The following CLECL1 variants were observed in gnomAD, a reference collection of about 807,000 sequenced individuals.
The protein encoded by CLECL1 is C-type lectin-like domain family 1.
At chr12:9,717,462 T>A (rs942823737) in intron 2 of CLECL1, among the ~76,000 whole-genome samples, 4 of 152,238 alleles carry the variant, frequency 2.6e-5, no homozygotes, top group African/African-American at 9.6e-5. Context: ...ATTTTTGCTT[T>A]CTAATTGATA....
At chr12:9,730,288 TA>T (rs1189519479) in intron 1 of CLECL1, among the ~76,000 whole-genome samples, 1 of 152,156 alleles carries the variant, frequency 6.6e-6, no homozygotes, top group East Asian at 1.9e-4. Context: ...CAAAAGATAA[TA>T]AATAAACCAA....
At chr12:9,733,000 T>C (rs777393740) in exon 1 of CLECL1, 13 of 1,614,090 alleles carry the variant, frequency 8.1e-6, no homozygotes, top group Non-Finnish European at 1.1e-5. Flanking sequence ...CGAACAGTTT[T>C]GATGTCAGCG....
rs758421986 is a variant in CLECL1 at position 9,722,737 on chromosome 12, C to T, written n.339G>A. 4.3e-6 allele frequency: 7 copies of T among 1,613,830 alleles called. No individual in the cohort carries two copies. In the South Asian group the frequency reaches 7.7e-5, roughly 18 times the overall value. On this transcript the variant is annotated non_coding_transcript_exon_variant, in exon 4 of 4. Transcript: ENST00000621400. ...TCCAAGATTTCTTAGTTTCAGCAAT[C>T]CAGTAACATTTTCCCTTATGCACCT...
chr12:9,716,453 C>T (rs1038472974), exon 3 of CLECL1: 4 of 169,154 alleles, frequency 2.4e-5, no homozygotes, highest in Non-Finnish European at 2.5e-5. Context: ...AACACTAACT[C>T]GGACTCAAAC....
At chr12:9,716,337 C>T (rs1324044853) in exon 3 of CLECL1, 3 of 153,722 alleles carry the variant, frequency 2.0e-5, no homozygotes, top group East Asian at 1.9e-4. Context: ...ATTGTCTTCT[C>T]GCCAAACTTG....
chr12:9,730,331 G>GA (rs1335890335), intron 1 of CLECL1, among the ~76,000 whole-genome samples: 1 of 152,176 alleles, frequency 6.6e-6, no homozygotes, highest in Admixed American at 6.5e-5. Context: ...GCTTTAGGCT[G>GA]AAAGTTTAAA....
chr12:9,733,171 A>G (rs1413649370), upstream of CLECL1: 3 of 1,613,984 alleles, frequency 1.9e-6, no homozygotes, highest in Non-Finnish European at 2.5e-6. Context: ...GACTTCCTCC[A>G]TGAATAAATG....
chr12:9,724,061 C>T (rs1419536768), intron 3 of CLECL1, among the ~76,000 whole-genome samples: 2 of 151,522 alleles, frequency 1.3e-5, no homozygotes, highest in African/African-American at 4.8e-5. Context: ...GTGGTGTGTG[C>T]CTGTAACCCC....
intron 2 of CLECL1, among the ~76,000 whole-genome samples, chr12:9,728,305 T>A (rs1464141597): frequency 6.6e-6 from 1 of 151,860 alleles, no homozygotes; most frequent in Non-Finnish European, 1.5e-5. Context: ...TATTTAATAG[T>A]GCTTGTCATT....
intron 1 of CLECL1, among the ~76,000 whole-genome samples, chr12:9,731,430 C>T (rs766970885): frequency 6.6e-6 from 1 of 152,054 alleles, no homozygotes; most frequent in Non-Finnish European, 1.5e-5. Context: ...ATATGACAAC[C>T]TTTAGGAGAA....
chr12:9,733,716 GA>G (rs1289143055), upstream of CLECL1, among the ~76,000 whole-genome samples: 6 of 151,616 alleles, frequency 4.0e-5, no homozygotes, highest in African/African-American at 7.3e-5. Flanking sequence ...TGACATAAAA[GA>G]AAAAAATCTA....
At chr12:9,707,031 G>A in the CLECL1 span, among the ~76,000 whole-genome samples, 1 of 152,120 alleles carries the variant, frequency 6.6e-6, no homozygotes, top group Non-Finnish European at 1.5e-5. Context: ...CTCAATTTCA[G>A]AACTCATGGT....
At chr12:9,734,245 T>C (rs1035804618), upstream of CLECL1, among the ~76,000 whole-genome samples, 1 of 152,198 alleles carries the variant, frequency 6.6e-6, no homozygotes, top group African/African-American at 2.4e-5. Flanking sequence ...AGATCCTGGC[T>C]TTGTGGCATT....
chr12:9,733,353 T>C, upstream of CLECL1: 2 of 890,542 alleles, frequency 2.2e-6, no homozygotes, highest in Middle Eastern at 5.9e-4. Context: ...ATCTCACCAT[T>C]TTCTCCTATA....
the CLECL1 span, chr12:9,708,981 G>T: frequency 9.2e-6 from 2 of 217,700 alleles, no homozygotes; most frequent in South Asian, 7.9e-5. Flanking sequence ...ACACCTCATA[G>T]CCCTACGCAC....
intron 2 of CLECL1, chr12:9,716,869 AATCACTTGCTAGACTCC>A (rs1866244657): frequency 4.8e-6 from 3 of 626,576 alleles, no homozygotes; most frequent in Admixed American, 5.7e-5. Flanking sequence ...ACCATCCTAG[AATCACTTGCTAGACTCC>A]ATCTTAGAAT....
upstream of CLECL1, chr12:9,733,040 C>T (rs1451528098): frequency 6.2e-7 from 1 of 1,614,118 alleles, no homozygotes. Flanking sequence ...TTGCACAGAT[C>T]AAAAAGAGAG....
intron 3 of CLECL1, among the ~76,000 whole-genome samples, chr12:9,725,858 G>A (rs1866373015): frequency 6.6e-6 from 1 of 151,998 alleles, no homozygotes; most frequent in African/African-American, 2.4e-5. Flanking sequence ...GAATTCAAAG[G>A]GCAAGGTGGC....
At chr12:9,719,927 T>G (rs1245949106), downstream of CLECL1, among the ~76,000 whole-genome samples, 2 of 152,208 alleles carry the variant, frequency 1.3e-5, no homozygotes, top group East Asian at 1.9e-4. Flanking sequence ...AGAAGATTAC[T>G]TGGCACATTC....
Sources: gnomAD v4.1 joint callset for allele counts (sites outside exome capture counted in the v4.1 genomes callset) on GRCh38, gnomAD v4.1.1 for gene constraint, MANE v1.5 for transcripts, NCBI Gene and HGNC (gene_info 2026-07-23, HGNC 2026-07-21) for gene names.